Variants in GPR78 observed in about 807,000 individuals in gnomAD.
The protein encoded by GPR78 is G protein-coupled receptor 78.
GPR78 carries 29 observed loss-of-function variants against 17.9 expected under a neutral mutation model. The ratio of observed to expected loss-of-function variants is 1.62; its 90% CI spans 1.20 to 2.21. The LOEUF is 2.21. GPR78 is among the 30% of genes most tolerant of loss of function. The probability of loss-of-function intolerance (pLI) is 0.00; values close to 1 mark genes in which losing one functional copy is unlikely to be tolerated. For missense variants in GPR78, 649 were observed against 530.5 expected (o/e 1.22, Z -2.19); for synonymous variants, 349 against 256.9 (o/e 1.36, Z -3.43).
intron 2 of GPR78, among the ~76,000 whole-genome samples, chr4:8,586,284 T>C (rs1267095912): frequency 6.6e-6 from 1 of 152,206 alleles, no homozygotes; most frequent in Non-Finnish European, 1.5e-5. Context: ...CCTTCTACTC[T>C]GAGTTCTAAT....
At chr4:8,583,733 G>A (rs957141330) in intron 2 of GPR78, among the ~76,000 whole-genome samples, 3 of 152,184 alleles carry the variant, frequency 2.0e-5, no homozygotes, top group African/African-American at 7.2e-5. Flanking sequence ...CCAGGAACCC[G>A]GGAGGCCCCA....
At chr4:8,586,925 G>GC in intron 2 of GPR78, 129 bp from the exon 3 acceptor site, 1 of 776,118 alleles carries the variant, frequency 1.3e-6, no homozygotes, top group Non-Finnish European at 2.1e-6. Flanking sequence ...CTGGTGCAGA[G>GC]CCCCCTGGCT....
chr4:8,581,812 C>G (rs1318098459), intron 1 of GPR78, among the ~76,000 whole-genome samples, 162 bp downstream of exon 1: 1 of 152,216 alleles, frequency 6.6e-6, no homozygotes, highest in Non-Finnish European at 1.5e-5. Flanking sequence ...CCTGTTGGTT[C>G]ATTGGTGCAG....
chr4:8,582,042 AG>A (rs1713315335), intron 1 of GPR78, among the ~76,000 whole-genome samples: 1 of 152,140 alleles, frequency 6.6e-6, no homozygotes, highest in Non-Finnish European at 1.5e-5. Context: ...AGTCTTGAGC[AG>A]GGTCCATCCC....
At position 8,587,514 on chromosome 4, in the gene GPR78, C is replaced by T. The variant is rs9799380; in HGVS notation, c.*151C>T. On this transcript the variant is annotated 3_prime_UTR_variant, in exon 3 of 3. Transcript: ENST00000382487. ...TACAGGAGGAGGAGGAGGAGAGGGC[C>T]GGATGTGGGTGTGGACAGCAGTAGT... is the stretch of plus-strand genomic sequence containing the variant. 113,324 of 785,232 alleles carry T rather than the reference C, an allele frequency of 0.14. 10,422 individuals carry two copies. The highest frequency in any genetic ancestry group is 0.38 in the African/African-American group (21,477 of 57,160). 48.6% of individuals were successfully genotyped at this position (785,232 alleles called of 1,614,324 possible).
chr4:8,581,263 C>T lies in GPR78; in HGVS notation c.281C>T (p.Ala94Val), dbSNP rs1243973218. The change falls in exon 1 of 3, where the codon GCG (alanine) becomes GTG (valine). Residue 94 changes from alanine to valine, a missense_variant. Transcript: ENST00000382487. Reference protein sequence around the residue: ...FLDTFLASNAALSVAALSADQ... With the variant: ...FLDTFLASNAVLSVAALSADQ... ...GACACCTTCCTGGCGTCCAACGCGG[C>T]GCTGAGCGTGGCGGCGCTGAGCGCA... The T allele has an allele frequency of 5.7e-6, 9 of 1,591,308 alleles. No individual in the cohort carries two copies. Among genetic ancestry groups the T allele is most frequent in the African/African-American group, 1.3e-5 (1 of 74,924 alleles).
rs145559342 is a variant in GPR78 at position 8,587,815 on chromosome 4, G to A, written c.*452G>A. 132 of 183,824 alleles carry A rather than the reference G, an allele frequency of 7.2e-4. No homozygotes were observed. In the East Asian group the frequency reaches 0.018, roughly 26 times the overall value. 11.4% of individuals were successfully genotyped at this position (183,824 alleles called of 1,614,324 possible). On this transcript the variant is annotated 3_prime_UTR_variant, in exon 3 of 3. Coordinates refer to ENST00000382487, the MANE Select transcript of GPR78 (RefSeq NM_080819.5). ...CCAACCTGGTTATTAGCATTGTTCC[G>A]ATTTGTTCTCGGCATTGCCCAGGTT... is the stretch of plus-strand genomic sequence containing the variant.
At chr4:8,584,016 A>G (rs1713398723) in intron 2 of GPR78, among the ~76,000 whole-genome samples, 1 of 152,214 alleles carries the variant, frequency 6.6e-6, no homozygotes, top group East Asian at 1.9e-4. Flanking sequence ...TCTGATTATC[A>G]TGTTTGTGTG....
At chr4:8,581,747 C>T (rs986465199) in intron 1 of GPR78, 97 bp downstream of exon 1, 22 of 918,368 alleles carry the variant, frequency 2.4e-5, no homozygotes, top group Non-Finnish European at 3.0e-5. Flanking sequence ...CACCGTTACT[C>T]CGCCCAGAGT....
intron 1 of GPR78, among the ~76,000 whole-genome samples, 189 bp downstream of exon 1, chr4:8,581,839 TG>T (rs1560280954): frequency 7.0e-6 from 1 of 142,150 alleles, no homozygotes; most frequent in African/African-American, 2.5e-5. Context: ...CGGGGGCCTC[TG>T]CCTCCTGGGA....
rs1378536218 is a variant in GPR78 at position 8,580,673 on chromosome 4, C to T, written c.-310C>T. On this transcript the variant is annotated 5_prime_UTR_variant, in exon 1 of 3. Coordinates refer to ENST00000382487, the MANE Select transcript of GPR78 (RefSeq NM_080819.5). ...CCCTACGCCCCGCGCCCCTGCGCCTCGCTTCAGCCTCAGGACAGTCCTGCC... is the reference window on the plus strand; with the variant it reads ...CCCTACGCCCCGCGCCCCTGCGCCTTGCTTCAGCCTCAGGACAGTCCTGCC... 3 of 449,420 alleles carry T rather than the reference C, an allele frequency of 6.7e-6. No individual in the cohort carries two copies. Among genetic ancestry groups the T allele is most frequent in the East Asian group, 3.6e-5 (1 of 27,434 alleles). The allele number at this position is 449,420 out of a possible 1,614,324, so 27.8% of individuals were successfully genotyped here. A position where few individuals can be genotyped will look rare whatever the true frequency, so the allele number is the denominator to read the frequency against.
chr4:8,582,736 C>G, intron 2 of GPR78, 92 bp downstream of exon 2: 1 of 850,916 alleles, frequency 1.2e-6, no homozygotes, highest in Non-Finnish European at 2.0e-6. Flanking sequence ...AGCAAGATAT[C>G]TGGAGGGCGG....
chr4:8,586,736 C>T (rs1713524665), intron 2 of GPR78, among the ~76,000 whole-genome samples: 1 of 152,164 alleles, frequency 6.6e-6, no homozygotes, highest in African/African-American at 2.4e-5. Context: ...GGTGTACGTG[C>T]AGGTGGGTGG....
intron 1 of GPR78, 145 bp from the exon 2 acceptor site, chr4:8,582,386 C>A (rs1577098434): frequency 1.7e-6 from 1 of 587,794 alleles, no homozygotes; most frequent in East Asian, 2.8e-5. Flanking sequence ...CTTTCTCTCT[C>A]CCCCATCCCT....
At position 8,580,875 on chromosome 4, in the gene GPR78, C is replaced by T. The variant is rs1195637159; in HGVS notation, c.-108C>T. On this transcript the variant is annotated 5_prime_UTR_variant, in exon 1 of 3. Transcript: ENST00000382487. Reference sequence around the variant, plus strand: ...CCTTGCTAGCCGGCTCTGCACCTCCCAGAAGCCGTGGGCGCGCCGCTCAGC... The same window carrying T: ...CCTTGCTAGCCGGCTCTGCACCTCCTAGAAGCCGTGGGCGCGCCGCTCAGC... 8.9e-7 allele frequency: 1 copy of T among 1,119,522 alleles called. No individual in the cohort carries two copies. Among genetic ancestry groups the T allele is most frequent in the Non-Finnish European group, 1.2e-6 (1 of 810,838 alleles). The allele number at this position is 1,119,522 out of a possible 1,614,324, so 69.3% of individuals were successfully genotyped here.
In GPR78 at chr4:8,587,868, G is replaced by T. The variant is rs183069937; in HGVS notation, c.*505G>T. On this transcript the variant is annotated 3_prime_UTR_variant, in exon 3 of 3. Coordinates refer to ENST00000382487, the MANE Select transcript of GPR78 (RefSeq NM_080819.5). ...GGAGATAAATGCCGGGGCGGAGTCT[G>T]GTTGGGGGCTCCCAGAGTTCACATC... The T allele has an allele frequency of 1.1e-3, 182 of 168,168 alleles. No homozygotes were observed. Among genetic ancestry groups the T allele is most frequent in the African/African-American group, 4.1e-3 (171 of 41,932 alleles). The allele number at this position is 168,168 out of a possible 1,614,324, so 10.4% of individuals were successfully genotyped here.
At chr4:8,581,852 A>G (rs1045989829) in intron 1 of GPR78, among the ~76,000 whole-genome samples, 3 of 121,278 alleles carry the variant, frequency 2.5e-5, no homozygotes, top group Admixed American at 9.2e-5. Flanking sequence ...CTCCTGGGAT[A>G]TGTGCTCAGT....
Position 8,581,558 on chromosome 4 carries a change from G to T in GPR78, c.576G>T (p.Ser192=). 1.3e-6 allele frequency: 2 copies of T among 1,582,188 alleles called. No homozygotes were observed. ...VLPLAVLCLT[S]LQVHRVARRH... ...CGCTGGCGGTGCTCTGCCTCACCTCGCTCCAGGTGCACCGGGTGGCACGCA... is the reference window on the plus strand; with the variant it reads ...CGCTGGCGGTGCTCTGCCTCACCTCTCTCCAGGTGCACCGGGTGGCACGCA... Residue 192 remains serine (S), a synonymous_variant, in exon 1 of 3, where the codon TCG becomes TCT. Transcript: ENST00000382487.
At chr4:8,582,973 A>T in intron 2 of GPR78, 1 of 202,158 alleles carries the variant, frequency 4.9e-6, no homozygotes, top group Non-Finnish European at 9.9e-6. Context: ...CAGGCCTCAG[A>T]CTCCGCATCT....
Sources: gnomAD v4.1 joint callset for allele counts (sites outside exome capture counted in the v4.1 genomes callset) on GRCh38, gnomAD v4.1.1 for gene constraint, MANE v1.5 for transcripts, NCBI Gene and HGNC (gene_info 2026-07-23, HGNC 2026-07-21) for gene names.